The following CIMIP7 variants were observed in gnomAD, a reference collection of about 807,000 sequenced individuals.
CIMIP7 encodes uncharacterized protein C3orf84.
At chr3:49,188,759 C>G in the CIMIP7 span, among the ~76,000 whole-genome samples, 1 of 152,020 alleles carries the variant, frequency 6.6e-6, no homozygotes, top group Non-Finnish European at 1.5e-5. Context: ...TTTGAGTATG[C>G]TTGTTACTGT....
At chr3:49,186,190 G>C in the CIMIP7 span, among the ~76,000 whole-genome samples, 31 of 150,442 alleles carry the variant, frequency 2.1e-4, no homozygotes, top group Admixed American at 5.3e-4. Context: ...GTAGAGACAG[G>C]GTTTCTCCAT....
chr3:49,191,060 C>T, the CIMIP7 span, among the ~76,000 whole-genome samples: 3 of 152,280 alleles, frequency 2.0e-5, no homozygotes, highest in Admixed American at 6.5e-5. Flanking sequence ...GATGTCATTA[C>T]GTGTACACTC....
chr3:49,186,750 G>T, the CIMIP7 span, among the ~76,000 whole-genome samples: 1 of 151,980 alleles, frequency 6.6e-6, no homozygotes, highest in African/African-American at 2.4e-5. Flanking sequence ...ACACACGCAC[G>T]CACGCACGCA....
At chr3:49,181,293 G>A in the CIMIP7 span, among the ~76,000 whole-genome samples, 1 of 145,616 alleles carries the variant, frequency 6.9e-6, no homozygotes, top group East Asian at 2.0e-4. Flanking sequence ...AGTGAGCCGA[G>A]ATCTCACCAC....
the CIMIP7 span, among the ~76,000 whole-genome samples, chr3:49,186,467 G>A: frequency 2.1e-5 from 3 of 144,754 alleles, no homozygotes; most frequent in East Asian, 2.1e-4. Context: ...GCAGTGGTGC[G>A]ATCGCGGCTC....
At chr3:49,177,772 A>G in the CIMIP7 span, 14 of 1,610,572 alleles carry the variant, frequency 8.7e-6, no homozygotes, top group Non-Finnish European at 1.2e-5. Context: ...CTGGGGCCCT[A>G]CCTTGTAGCT....
the CIMIP7 span, among the ~76,000 whole-genome samples, chr3:49,182,122 C>T: frequency 6.6e-6 from 1 of 152,172 alleles, no homozygotes; most frequent in South Asian, 2.1e-4. Flanking sequence ...ATAAAGGCAG[C>T]GTGGACCCAA....
At chr3:49,178,578 AT>A in the CIMIP7 span, 1 of 1,574,046 alleles carries the variant, frequency 6.4e-7, no homozygotes, top group East Asian at 2.2e-5. Context: ...GGGGAAAATG[AT>A]GCTTATTTAC....
the CIMIP7 span, among the ~76,000 whole-genome samples, chr3:49,179,785 C>T: frequency 6.6e-6 from 1 of 152,232 alleles, no homozygotes; most frequent in African/African-American, 2.4e-5. Context: ...GTCTTGCTCA[C>T]ATCTATAACT....
At chr3:49,178,505 C>T in the CIMIP7 span, 22 of 1,613,660 alleles carry the variant, frequency 1.4e-5, no homozygotes, top group East Asian at 1.1e-4. Context: ...GTACGGTTGT[C>T]GTGCTTGGAG....
the CIMIP7 span, among the ~76,000 whole-genome samples, chr3:49,178,719 G>A: frequency 1.6e-4 from 25 of 152,246 alleles, no homozygotes; most frequent in Non-Finnish European, 3.1e-4. Flanking sequence ...TCAGTCCTGG[G>A]ATATCTCAAC....
chr3:49,178,397 T>C, the CIMIP7 span: 1 of 1,279,336 alleles, frequency 7.8e-7, no homozygotes, highest in Non-Finnish European at 1.1e-6. Flanking sequence ...CTCAGTGTCA[T>C]CCCCTCCACC....
chr3:49,182,753 C>T, the CIMIP7 span, among the ~76,000 whole-genome samples: 3 of 152,132 alleles, frequency 2.0e-5, no homozygotes, highest in Non-Finnish European at 1.5e-5. Flanking sequence ...GCACAGGAGC[C>T]CAGGGAGTGA....
the CIMIP7 span, among the ~76,000 whole-genome samples, chr3:49,181,885 C>T: frequency 3.9e-5 from 6 of 152,234 alleles, no homozygotes; most frequent in Non-Finnish European, 7.4e-5. Flanking sequence ...TTCTTAAAGG[C>T]GGCATGTCCG....
At chr3:49,190,051 G>T in the CIMIP7 span, 10 of 1,613,770 alleles carry the variant, frequency 6.2e-6, no homozygotes, top group Non-Finnish European at 7.6e-6. Flanking sequence ...AACACTGCTG[G>T]AGGCTGGGGC....
chr3:49,178,074 T>C, the CIMIP7 span: 1 of 1,550,640 alleles, frequency 6.4e-7, no homozygotes, highest in Non-Finnish European at 8.7e-7. Context: ...TATGGGCCCT[T>C]GGCCCACATT....
chr3:49,177,956 C>A, the CIMIP7 span: 2 of 1,613,676 alleles, frequency 1.2e-6, no homozygotes, highest in South Asian at 2.2e-5. Context: ...TGGCGCAACT[C>A]TATCTCACAG....
At chr3:49,186,350 G>T in the CIMIP7 span, among the ~76,000 whole-genome samples, 1 of 151,600 alleles carries the variant, frequency 6.6e-6, no homozygotes, top group East Asian at 1.9e-4. Flanking sequence ...CCATTCTCCT[G>T]CCTCAGCCTC....
the CIMIP7 span, among the ~76,000 whole-genome samples, chr3:49,187,638 C>G: frequency 6.6e-6 from 1 of 152,032 alleles, no homozygotes; most frequent in Non-Finnish European, 1.5e-5. Flanking sequence ...AAAAAAAACC[C>G]ATAATTTTCT....
Sources: gnomAD v4.1 joint callset for allele counts (sites outside exome capture counted in the v4.1 genomes callset) on GRCh38, gnomAD v4.1.1 for gene constraint, MANE v1.5 for transcripts, NCBI Gene and HGNC (gene_info 2026-07-23, HGNC 2026-07-21) for gene names.